The following DNAH7 variants were observed in gnomAD, a reference collection of about 807,000 sequenced individuals.
DNAH7 encodes the protein dynein axonemal heavy chain 7, also known as axonemal beta dynein heavy chain 7.
Under a neutral mutation model 444.6 loss-of-function variants are expected in DNAH7, and 397 were observed. The ratio of observed to expected loss-of-function variants is 0.89; its 90% CI spans 0.82 to 0.97. DNAH7 has a LOEUF of 0.97. Ranked by LOEUF, DNAH7 falls within the 50% of genes least tolerant of loss-of-function variation. The pLI is 0.00. For missense variants in DNAH7, 4,902 were observed against 4,800.8 expected (o/e 1.02, Z -0.62); for synonymous variants, 1,636 against 1,624.4 (o/e 1.01, Z -0.17).
intron 36 of DNAH7, among the ~76,000 whole-genome samples, chr2:195,877,646 T>A (rs994352273): frequency 6.6e-6 from 1 of 152,210 alleles, no homozygotes; most frequent in Non-Finnish European, 1.5e-5. Flanking sequence ...AAAGGACTTA[T>A]GATGTTCTCA....
chr2:195,810,659 C>T lies in DNAH7; in HGVS notation c.9762-788G>A, dbSNP rs191750242. On this transcript the variant is annotated intron_variant, in intron 51 of 64. Transcript: ENST00000312428. ...TTTTTTCCCACTTTTCCTTACGTGC[C>T]TATTTTCTTAACTATTTTATCCCCT... Among the ~76,000 whole-genome samples, 100 of 151,216 alleles carry T rather than the reference C, an allele frequency of 6.6e-4. 1 individual carries two copies. Among genetic ancestry groups the T allele is most frequent in the Admixed American group, 1.2e-3 (19 of 15,224 alleles).
At chr2:195,754,970 A>G (rs1261751861) in intron 62 of DNAH7, among the ~76,000 whole-genome samples, 2 of 152,250 alleles carry the variant, frequency 1.3e-5, no homozygotes, top group Non-Finnish European at 2.9e-5. Context: ...CCTGACTTCA[A>G]TTTCATACCT....
chr2:195,938,350 A>T (rs1689193926), intron 19 of DNAH7, among the ~76,000 whole-genome samples: 1 of 147,392 alleles, frequency 6.8e-6, no homozygotes, highest in African/African-American at 2.6e-5. Context: ...ACATTCACAC[A>T]CACACACACA....
intron 5 of DNAH7, among the ~76,000 whole-genome samples, chr2:196,046,225 T>A (rs1697115392): frequency 6.6e-6 from 1 of 152,176 alleles, no homozygotes. Flanking sequence ...CGGCTGCCCT[T>A]ATGGGGGCAG....
intron 11 of DNAH7, 126 bp downstream of exon 11, chr2:196,001,549 A>G (rs552359739): frequency 3.4e-6 from 3 of 878,668 alleles, no homozygotes; most frequent in African/African-American, 1.7e-5. Context: ...TTCTTTTAAG[A>G]TAAGTGTAAT....
intron 44 of DNAH7, 26 bp downstream of exon 44, chr2:195,857,351 C>T: frequency 6.6e-7 from 1 of 1,515,522 alleles, no homozygotes; most frequent in South Asian, 1.4e-5. Flanking sequence ...ACCATACCAG[C>T]TGGATTTCTT....
Position 195,754,424 on chromosome 2 carries a change from C to G in DNAH7, c.11677G>C (p.Ala3893Pro), listed in dbSNP as rs369244613. ...TCAATAGGAATTGTGTATTTCCTGG[C>G]GTAGTTCTGCTGGGCACCGGTCAGG... Reference protein sequence around the residue: ...AFLTGAQQNYARKYTIPIDLL... With the variant: ...AFLTGAQQNYPRKYTIPIDLL... The change falls in exon 63 of 65, where the codon GCC (alanine) becomes CCC (proline). Residue 3893 changes from alanine to proline, a missense_variant. By Grantham distance (27) the Ala-to-Pro change is conservative. Coordinates refer to ENST00000312428, the MANE Select transcript of DNAH7 (RefSeq NM_018897.3). 1.2e-6 allele frequency: 2 copies of G among 1,613,870 alleles called. No individual in the cohort carries two copies. Among genetic ancestry groups the G allele is most frequent in the Non-Finnish European group, 1.7e-6 (2 of 1,179,964 alleles).
In DNAH7 at chr2:195,970,091, GTAAC is replaced by G; in HGVS notation, c.2059-1_2061del. ...AATTCCTCCACAAACCGTTCACACC[GTAAC>G]TAATAAAAACAATTTGTTGTTAATA... On this transcript the variant is annotated splice_acceptor_variant and coding_sequence_variant, in exon 17 of 65. Coordinates refer to ENST00000312428, the MANE Select transcript of DNAH7 (RefSeq NM_018897.3). LOFTEE classifies it high-confidence loss of function. The G allele has an allele frequency of 6.3e-7, 1 of 1,591,914 alleles. No individual in the cohort carries two copies. The highest frequency in any genetic ancestry group is 8.5e-7 in the Non-Finnish European group (1 of 1,173,180).
At chr2:196,035,892 T>C (rs2125813099) in intron 5 of DNAH7, among the ~76,000 whole-genome samples, 1 of 152,266 alleles carries the variant, frequency 6.6e-6, no homozygotes. Flanking sequence ...AACTGCATTG[T>C]TCCAGAGATG....
intron 61 of DNAH7, among the ~76,000 whole-genome samples, chr2:195,762,146 G>A (rs1447503288): frequency 6.6e-6 from 1 of 151,996 alleles, no homozygotes; most frequent in Non-Finnish European, 1.5e-5. Flanking sequence ...TTGTTTCTTT[G>A]TTTATGCAAT....
At chr2:195,819,657 A>G (rs1401915492) in intron 49 of DNAH7, among the ~76,000 whole-genome samples, 2 of 152,142 alleles carry the variant, frequency 1.3e-5, no homozygotes, top group African/African-American at 4.8e-5. Flanking sequence ...CTGAGAGTGG[A>G]CAGCTTGCAA....
chr2:195,896,885 C>A (rs548445679), intron 29 of DNAH7, among the ~76,000 whole-genome samples: 2 of 152,160 alleles, frequency 1.3e-5, no homozygotes, highest in Non-Finnish European at 2.9e-5. Context: ...CTGGACAATA[C>A]TAGCAACAGC....
At chr2:195,972,592 A>G in intron 15 of DNAH7, 126 bp from the exon 16 acceptor site, 1 of 654,382 alleles carries the variant, frequency 1.5e-6, no homozygotes, top group East Asian at 2.7e-5. Flanking sequence ...GTTCAAAATC[A>G]GGGACTACAG....
At chr2:195,941,601 A>T (rs1689454092) in intron 19 of DNAH7, among the ~76,000 whole-genome samples, 1 of 152,010 alleles carries the variant, frequency 6.6e-6, no homozygotes, top group African/African-American at 2.4e-5. Context: ...AAAAAAAGAG[A>T]TAATGCAGTT....
At chr2:196,048,904 T>C (rs1043514816) in intron 3 of DNAH7, among the ~76,000 whole-genome samples, 4 of 152,254 alleles carry the variant, frequency 2.6e-5, no homozygotes, top group Admixed American at 6.5e-5. Context: ...CTAATGATGA[T>C]AGGTTCCTGG....
At chr2:195,911,180 T>C (rs747602831) in intron 24 of DNAH7, among the ~76,000 whole-genome samples, 3 of 152,316 alleles carry the variant, frequency 2.0e-5, no homozygotes, top group Non-Finnish European at 4.4e-5. Context: ...AATGGCGTCC[T>C]ACTCTCTATG....
At chr2:196,049,176 G>A (rs1238194182) in intron 3 of DNAH7, among the ~76,000 whole-genome samples, 1 of 152,124 alleles carries the variant, frequency 6.6e-6, no homozygotes, top group Non-Finnish European at 1.5e-5. Context: ...GTCCATGTCT[G>A]TACTGGCTTC....
At position 195,875,732 on chromosome 2, in the gene DNAH7, C is replaced by A. The variant is rs774313614; in HGVS notation, c.6229G>T (p.Asp2077Tyr). ...TCCACTAGTTTAATCATGGAACAAT[C>A]TTTTAGATCATACCAGTTCCAGTGG... The part of the protein sequence containing the change: ...LDHWNWYDLK[D>Y]CSMIKLVDIQ... Residue 2077 changes from aspartate to tyrosine, a missense_variant, in exon 38 of 65, where the codon GAT becomes TAT. Transcript: ENST00000312428. 1 of 1,612,630 alleles carries A rather than the reference C, an allele frequency of 6.2e-7. No individual in the cohort carries two copies. The highest frequency in any genetic ancestry group is 8.5e-7 in the Non-Finnish European group (1 of 1,179,468).
At chr2:195,887,645 T>G (rs1701780989) in intron 33 of DNAH7, among the ~76,000 whole-genome samples, 1 of 152,246 alleles carries the variant, frequency 6.6e-6, no homozygotes, top group African/African-American at 2.4e-5. Flanking sequence ...TCCCTACATT[T>G]GCTCCAGGGC....
Sources: allele counts gnomAD v4.1 joint callset (sites outside exome capture counted in the v4.1 genomes callset), GRCh38; gene constraint gnomAD v4.1.1; transcripts MANE v1.5; gene names NCBI Gene and HGNC (gene_info 2026-07-23, HGNC 2026-07-21).